GRIK1: variants seen among roughly 807,000 people sequenced by gnomAD.
GRIK1 encodes glutamate ionotropic receptor kainate type subunit 1, also known as glutamate receptor ionotropic, kainate 1.
Under a neutral mutation model 105.7 loss-of-function variants are expected in GRIK1, and 69 were observed. The observed-to-expected ratio is 0.65, with a 90% confidence interval of 0.54 to 0.80. The LOEUF is 0.80. Ranked by LOEUF, GRIK1 falls within the 30% of genes least tolerant of loss-of-function variation. The probability of loss-of-function intolerance (pLI) is 0.00; values close to 1 mark genes in which losing one functional copy is unlikely to be tolerated. For synonymous variants in GRIK1, 438 were observed against 431.3 expected, an observed-to-expected ratio of 1.02 and a Z score of -0.19; for missense variants, 1,109 against 1,167.3, an observed-to-expected ratio of 0.95 and a Z score of 0.73.
At chr21:29,691,784 GACAGAATA>G (rs1285352011) in intron 2 of GRIK1, among the ~76,000 whole-genome samples, 4 of 152,174 alleles carry the variant, frequency 2.6e-5, no homozygotes, top group African/African-American at 9.7e-5. Flanking sequence ...ACTTAATTCA[GACAGAATA>G]ACTGATACAA....
intron 14 of GRIK1, among the ~76,000 whole-genome samples, chr21:29,570,608 T>C (rs1432109784): frequency 6.6e-6 from 1 of 152,214 alleles, no homozygotes; most frequent in Non-Finnish European, 1.5e-5. Context: ...GATCGCCTCA[T>C]ATTCAGAGAA....
chr21:29,715,280 G>A (rs139194998), intron 1 of GRIK1, among the ~76,000 whole-genome samples: 61 of 152,228 alleles, frequency 4.0e-4, no homozygotes, highest in Non-Finnish European at 7.1e-4. Flanking sequence ...TGAGTTAGCA[G>A]TTTCCCCTAG....
intron 1 of GRIK1, among the ~76,000 whole-genome samples, chr21:29,797,640 T>C (rs1041429449): frequency 7.9e-5 from 12 of 152,214 alleles, no homozygotes; most frequent in East Asian, 3.8e-4. Context: ...GTCAATATAA[T>C]AAAAATGTTG....
chr21:29,912,095 G>C (rs2070837889), intron 1 of GRIK1, among the ~76,000 whole-genome samples: 1 of 151,956 alleles, frequency 6.6e-6, no homozygotes, highest in African/African-American at 2.4e-5. Context: ...AGTGGATATG[G>C]TAAAATGATA....
At chr21:29,640,680 TG>T (rs2062493269) in intron 7 of GRIK1, among the ~76,000 whole-genome samples, 1 of 152,172 alleles carries the variant, frequency 6.6e-6, no homozygotes, top group Non-Finnish European at 1.5e-5. Context: ...TAAGGTGTCT[TG>T]GGGGCTCTTG....
At chr21:29,902,945 TG>T (rs2070463598) in intron 1 of GRIK1, among the ~76,000 whole-genome samples, 1 of 152,098 alleles carries the variant, frequency 6.6e-6, no homozygotes, top group Admixed American at 6.5e-5. Context: ...TATAGACCAA[TG>T]GAACAGAATG....
chr21:29,626,653 A>G (rs2062139103), intron 7 of GRIK1, among the ~76,000 whole-genome samples: 1 of 152,096 alleles, frequency 6.6e-6, no homozygotes, highest in African/African-American at 2.4e-5. Flanking sequence ...TTCTCTCTCT[A>G]GTTTTTGCTA....
At chr21:29,686,597 A>C (rs2063490282) in intron 3 of GRIK1, among the ~76,000 whole-genome samples, 1 of 152,238 alleles carries the variant, frequency 6.6e-6, no homozygotes, top group Admixed American at 6.5e-5. Context: ...GTATTTTTGC[A>C]AATAAAGGTT....
intron 15 of GRIK1, among the ~76,000 whole-genome samples, chr21:29,560,566 T>TTCTTTCTCTCTCTCTCTCTCTC (rs2090448385): frequency 8.2e-6 from 1 of 121,492 alleles, no homozygotes; most frequent in African/African-American, 4.3e-5. Context: ...CTTTCTTTCT[T>TTCTTTCTCTCTCTCTCTCTCTC]TCTTTCTTTC....
intron 1 of GRIK1, among the ~76,000 whole-genome samples, chr21:29,925,621 A>G (rs1201699844): frequency 6.6e-6 from 1 of 152,216 alleles, no homozygotes; most frequent in Admixed American, 6.5e-5. Flanking sequence ...ACTTCACATG[A>G]AACAAAAGGC....
chr21:29,710,378 A>C (rs1056534478), intron 1 of GRIK1, among the ~76,000 whole-genome samples: 6 of 150,374 alleles, frequency 4.0e-5, no homozygotes, highest in East Asian at 3.9e-4. Context: ...AGGTTATCTA[A>C]GCTTAATAAA....
intron 1 of GRIK1, among the ~76,000 whole-genome samples, chr21:29,858,702 C>T (rs1484417253): frequency 1.3e-5 from 2 of 152,052 alleles, no homozygotes; most frequent in African/African-American, 4.8e-5. Context: ...CCACTCCTGC[C>T]AAGCCATGCC....
At chr21:29,546,378 A>T (rs953196990) in intron 16 of GRIK1, among the ~76,000 whole-genome samples, 1 of 152,182 alleles carries the variant, frequency 6.6e-6, no homozygotes, top group Non-Finnish European at 1.5e-5. Flanking sequence ...TGGCATACAA[A>T]ATGTCTCTAC....
At chr21:29,537,482 G>A (rs1343678607) in intron 17 of GRIK1, 97 bp from the exon 18 acceptor site, 35 of 961,094 alleles carry the variant, frequency 3.6e-5, no homozygotes, top group Non-Finnish European at 5.2e-5. Context: ...ACAAGATATT[G>A]GCTTGAAGGC....
chr21:29,680,444 T>TA (rs2063349523), intron 3 of GRIK1, among the ~76,000 whole-genome samples: 1 of 152,226 alleles, frequency 6.6e-6, no homozygotes, highest in Admixed American at 6.5e-5. Context: ...TGGGTTTCTA[T>TA]AGGAGCCATC....
At chr21:29,575,805 C>T (rs1041178012) in intron 14 of GRIK1, among the ~76,000 whole-genome samples, 1 of 152,138 alleles carries the variant, frequency 6.6e-6, no homozygotes, top group Non-Finnish European at 1.5e-5. Flanking sequence ...GGACTCCAGC[C>T]TGGGCGACAG....
chr21:29,900,057 C>G (rs1297881693), intron 1 of GRIK1, among the ~76,000 whole-genome samples: 2 of 148,330 alleles, frequency 1.3e-5, no homozygotes, highest in Non-Finnish European at 3.0e-5. Flanking sequence ...TTGTCACCAC[C>G]AGGCCTGCCT....
At chr21:29,861,578 A>AACCAACACT in intron 1 of GRIK1, 2 of 187,746 alleles carry the variant, frequency 1.1e-5, no homozygotes, top group South Asian at 5.0e-5. Flanking sequence ...AAAGTGTGGG[A>AACCAACACT]TTATAGGTGT....
At chr21:29,913,548 T>C (rs951806226) in intron 1 of GRIK1, among the ~76,000 whole-genome samples, 1 of 151,736 alleles carries the variant, frequency 6.6e-6, no homozygotes, top group African/African-American at 2.4e-5. Context: ...TTAAGCATGA[T>C]AAAAGACTAA....
Sources: allele counts gnomAD v4.1 joint callset (sites outside exome capture counted in the v4.1 genomes callset), GRCh38; gene constraint gnomAD v4.1.1; transcripts MANE v1.5; gene names NCBI Gene and HGNC (gene_info 2026-07-23, HGNC 2026-07-21).